NRIP1: variants seen among roughly 807,000 people sequenced by gnomAD.
NRIP1 encodes nuclear receptor interacting protein 1.
A neutral mutation model predicts 75.0 loss-of-function variants in NRIP1; 28 were observed. The observed-to-expected ratio is 0.37, with a 90% CI of 0.28 to 0.51. The LOEUF (loss-of-function observed/expected upper bound fraction) is 0.51. NRIP1 is among the 20% of genes least tolerant of loss of function. The pLI, the probability that NRIP1 is intolerant of heterozygous loss-of-function variation, is 0.92. For synonymous variants in NRIP1, 526 were observed against 487.6 expected, an observed-to-expected ratio of 1.08 and a Z score of -1.04; for missense variants, 1,435 against 1,343.7, an observed-to-expected ratio of 1.07 and a Z score of -1.06.
intron 3 of NRIP1, among the ~76,000 whole-genome samples, chr21:14,972,162 C>T (rs1212747314): frequency 6.7e-5 from 10 of 150,372 alleles, no homozygotes; most frequent in South Asian, 4.2e-4. Context: ...AAGGCCTGAA[C>T]GCACTTAGCT....
intron 3 of NRIP1, among the ~76,000 whole-genome samples, chr21:15,000,174 C>T (rs1275304577): frequency 6.6e-6 from 1 of 152,158 alleles, no homozygotes; most frequent in African/African-American, 2.4e-5. Context: ...AAACACCATT[C>T]AGAGAGATTC....
intron 2 of NRIP1, among the ~76,000 whole-genome samples, chr21:15,029,610 T>A (rs897713340): frequency 1.3e-5 from 2 of 152,190 alleles, no homozygotes; most frequent in African/African-American, 4.8e-5. Context: ...TTGTTCACTG[T>A]TCTATCCCCA....
At chr21:15,031,219 G>A (rs999423882) in intron 2 of NRIP1, among the ~76,000 whole-genome samples, 29 of 144,162 alleles carry the variant, frequency 2.0e-4, no homozygotes, top group Non-Finnish European at 2.6e-4. Context: ...CCCTTTCTAT[G>A]TGTATACACT....
chr21:15,045,319 G>C (rs1447075227), intron 1 of NRIP1, among the ~76,000 whole-genome samples: 2 of 152,086 alleles, frequency 1.3e-5, no homozygotes, highest in East Asian at 3.9e-4. Context: ...TTCCATTCCA[G>C]ATCACTAAAA....
chr21:15,020,495 A>T (rs2088347268), intron 2 of NRIP1, among the ~76,000 whole-genome samples: 1 of 152,222 alleles, frequency 6.6e-6, no homozygotes, highest in South Asian at 2.1e-4. Flanking sequence ...CTTCTAGAAG[A>T]AGGAATAGGA....
At chr21:15,060,402 C>G (rs1056435580) in intron 1 of NRIP1, among the ~76,000 whole-genome samples, 1 of 152,044 alleles carries the variant, frequency 6.6e-6, no homozygotes, top group African/African-American at 2.4e-5. Context: ...TACCATGAAT[C>G]ATAGGTAATG....
intron 1 of NRIP1, among the ~76,000 whole-genome samples, chr21:15,062,934 A>ATAGGAAAAGGG (rs1978446350): frequency 3.3e-5 from 5 of 152,356 alleles, no homozygotes; most frequent in Admixed American, 1.3e-4. Context: ...AGAGGCATTA[A>ATAGGAAAAGGG]ACCTGGTTTT....
At chr21:15,047,040 ATTAG>A (rs1421681061) in intron 1 of NRIP1, among the ~76,000 whole-genome samples, 1 of 152,202 alleles carries the variant, frequency 6.6e-6, no homozygotes, top group African/African-American at 2.4e-5. Context: ...AAGGCTGTCT[ATTAG>A]TCCGTTCTCA....
chr21:14,965,281 T>C lies in NRIP1; in HGVS notation c.2912A>G (p.Asn971Ser), dbSNP rs143638809. ...AGAAATGCTAAATTCAGGTTTGCTGTTGGTCACATTATTTTTGTGTCCTTT... is the reference window on the plus strand; with the variant it reads ...AGAAATGCTAAATTCAGGTTTGCTGCTGGTCACATTATTTTTGTGTCCTTT... ...KKKGHKNNVTNSKPEFSISSL... is the reference protein window; with the variant it reads ...KKKGHKNNVTSSKPEFSISSL... The change falls in exon 4 of 4, where the codon AAC (asparagine) becomes AGC (serine). Residue 971 changes from asparagine (N) to serine (S), a missense_variant. Asn to Ser is a conservative substitution (Grantham distance 46). Transcript: ENST00000318948. The C allele has an allele frequency of 9.0e-5, 146 of 1,614,042 alleles. No individual in the cohort carries two copies. In the East Asian group the frequency reaches 1.8e-3, roughly 20 times the overall value.
chr21:14,998,171 T>C (rs570272088), intron 3 of NRIP1, among the ~76,000 whole-genome samples: 1 of 152,282 alleles, frequency 6.6e-6, no homozygotes, highest in East Asian at 1.9e-4. Context: ...GAGTAGCCCA[T>C]GTGGTTGAAG....
intron 3 of NRIP1, among the ~76,000 whole-genome samples, chr21:14,988,519 A>G (rs62220716): frequency 0.19 from 26,884 of 144,878 alleles, 2,914 homozygotes; most frequent in East Asian, 0.46. Context: ...GTGTGTGTGT[A>G]TATATATATA....
intron 1 of NRIP1, chr21:15,050,850 T>C (rs1423114383): frequency 2.2e-6 from 1 of 456,024 alleles, no homozygotes; most frequent in Non-Finnish European, 4.4e-6. Flanking sequence ...ACCTGACCCA[T>C]ACACCCAGGA....
chr21:14,972,974 C>T (rs2086944469), intron 3 of NRIP1, among the ~76,000 whole-genome samples: 1 of 152,112 alleles, frequency 6.6e-6, no homozygotes, highest in African/African-American at 2.4e-5. Flanking sequence ...GGTTGGGAAC[C>T]CCTGCTTCAG....
At chr21:15,023,922 A>G (rs958515651) in intron 2 of NRIP1, among the ~76,000 whole-genome samples, 8 of 152,230 alleles carry the variant, frequency 5.3e-5, no homozygotes, top group Non-Finnish European at 1.5e-5. Flanking sequence ...AGATCTCCAG[A>G]GAACGGAGAC....
In NRIP1 at chr21:14,995,766, CGTGT is replaced by C. The variant is rs55916377; in HGVS notation, c.-335+18574_-335+18577del. On this transcript the variant is annotated intron_variant, in intron 3 of 3. Transcript: ENST00000318948. ...GTGATAACTGGTTTAGCTGTGTGTG[CGTGT>C]GTGTGTGTGTGTGTGTGTATTACTG... Among the ~76,000 whole-genome samples the C allele has an allele frequency of 0.016, 2,461 of 149,446 alleles. 243 individuals are homozygous for C. In the East Asian group the frequency reaches 0.28, roughly 17 times the overall value.
chr21:15,008,493 G>C, intron 3 of NRIP1, among the ~76,000 whole-genome samples: 1 of 152,104 alleles, frequency 6.6e-6, no homozygotes, highest in East Asian at 1.9e-4. Flanking sequence ...TGACCTTACT[G>C]AGTATCCACA....
chr21:15,018,928 C>T (rs1011801632), intron 2 of NRIP1, among the ~76,000 whole-genome samples: 3 of 151,958 alleles, frequency 2.0e-5, no homozygotes, highest in Non-Finnish European at 2.9e-5. Flanking sequence ...AAAATTCCAC[C>T]TTCCACTATT....
intron 2 of NRIP1, among the ~76,000 whole-genome samples, chr21:15,017,382 G>A (rs2088260832): frequency 6.6e-6 from 1 of 152,052 alleles, no homozygotes; most frequent in Non-Finnish European, 1.5e-5. Flanking sequence ...TAATGAACTG[G>A]TCATTATCTG....
chr21:14,964,617 T>C lies in NRIP1; in HGVS notation c.*99A>G. ...TTTTCAAAATGAAAAAAGTTTCAAT[T>C]ATACCATGCTTTTTTTCAAATCATG... On this transcript the variant is annotated 3_prime_UTR_variant, in exon 4 of 4. Coordinates refer to ENST00000318948, the MANE Select transcript of NRIP1 (RefSeq NM_003489.4). The C allele has an allele frequency of 1.0e-6, 1 of 977,248 alleles. No homozygotes were observed. Among genetic ancestry groups the C allele is most frequent in the Non-Finnish European group, 1.5e-6 (1 of 680,354 alleles). 60.5% of individuals were successfully genotyped at this position (977,248 alleles called of 1,614,324 possible).
Sources: allele counts gnomAD v4.1 joint callset (sites outside exome capture counted in the v4.1 genomes callset), GRCh38; gene constraint gnomAD v4.1.1; transcripts MANE v1.5; gene names NCBI Gene and HGNC (gene_info 2026-07-23, HGNC 2026-07-21).